Variants in AGAP1 observed in about 807,000 individuals in gnomAD.
The protein encoded by AGAP1 is arf-GAP with GTPase, ANK repeat and PH domain-containing protein 1.
In AGAP1, 29 loss-of-function variants were observed where a neutral mutation model predicts 105.3. The ratio of observed to expected loss-of-function variants is 0.28; its 90% CI spans 0.21 to 0.38. The LOEUF (loss-of-function observed/expected upper bound fraction) is 0.38, where lower values mean the gene tolerates loss of function less well. AGAP1 is among the 10% of genes least tolerant of loss of function. AGAP1 has a pLI of 1.00. For missense variants in AGAP1, 998 were observed against 1,165.1 expected, an observed-to-expected ratio of 0.86 and a Z score of 2.09; for synonymous variants, 509 against 485.9, an observed-to-expected ratio of 1.05 and a Z score of -0.63.
rs148507272 is a variant in AGAP1, at chr2:235,716,640, G to A, written c.223-917G>A. On this transcript the variant is annotated intron_variant, in intron 2 of 17. Transcript: ENST00000304032. The surrounding 1 kb of genome is among the most constrained non-coding windows in gnomAD (Gnocchi z 4.0). ...ATTTGATCACTAGCGATGTTCTAGTGGGGGAGGAAAAGGTTAAAATGCAGG... is the reference window on the plus strand; with the variant it reads ...ATTTGATCACTAGCGATGTTCTAGTAGGGGAGGAAAAGGTTAAAATGCAGG... Among the ~76,000 whole-genome samples, 1 of 152,098 alleles carries A rather than the reference G, an allele frequency of 6.6e-6. No homozygotes were observed. The highest frequency in any genetic ancestry group is 1.9e-4 in the East Asian group (1 of 5,166).
intron 9 of AGAP1, among the ~76,000 whole-genome samples, chr2:235,850,453 A>G (rs1331474720): frequency 1.3e-5 from 2 of 152,168 alleles, no homozygotes; most frequent in East Asian, 1.9e-4. Context: ...CCTCTGCATT[A>G]TGCACCCTGG....
intron 10 of AGAP1, among the ~76,000 whole-genome samples, chr2:235,884,511 C>T (rs1453748165): frequency 1.4e-5 from 2 of 139,770 alleles, no homozygotes; most frequent in East Asian, 2.2e-4. Context: ...AGTGCAGTGG[C>T]GCGATCCTGG....
chr2:236,060,518 A>T (rs994200454), intron 16 of AGAP1, among the ~76,000 whole-genome samples: 3 of 151,674 alleles, frequency 2.0e-5, no homozygotes, highest in African/African-American at 4.8e-5. Flanking sequence ...GGGATACCCC[A>T]TCTCTATAAA....
At chr2:235,637,827 G>A (rs773676905) in intron 1 of AGAP1, among the ~76,000 whole-genome samples, 1 of 152,198 alleles carries the variant, frequency 6.6e-6, no homozygotes, top group African/African-American at 2.4e-5. Flanking sequence ...TGGGAAGACT[G>A]GTGGCATCCT....
At position 235,887,539 on chromosome 2, in the gene AGAP1, T is replaced by C. The variant is rs1322408918; in HGVS notation, c.1155+4090T>C. ...AATGTTATCTGGTTTCTGAGAACACTATTCTCATCCACCTTTTCTCTCAAA... is the reference window on the plus strand; with the variant it reads ...AATGTTATCTGGTTTCTGAGAACACCATTCTCATCCACCTTTTCTCTCAAA... On this transcript the variant is annotated intron_variant, in intron 10 of 17. Coordinates refer to ENST00000304032, the MANE Select transcript of AGAP1 (RefSeq NM_001037131.3). The surrounding 1 kb of genome is among the most constrained non-coding windows in gnomAD (Gnocchi z 4.1). Among the ~76,000 whole-genome samples the C allele has an allele frequency of 6.6e-6, 1 of 152,192 alleles. No homozygotes were observed. The highest frequency in any genetic ancestry group is 2.4e-5 in the African/African-American group (1 of 41,448).
chr2:235,701,804 G>C lies in AGAP1; in HGVS notation c.164-7375G>C, dbSNP rs975004669. The stretch of plus-strand genomic sequence containing the variant: ...TATTTAAGACTCCACTTCCTTCCTC[G>C]GCACAGAACTGACAGGCTGTGGCAG... On this transcript the variant is annotated intron_variant, in intron 1 of 17. Transcript: ENST00000304032. The surrounding 1 kb of genome is among the most constrained non-coding windows in gnomAD (Gnocchi z 4.1). 1.3e-5 allele frequency among the ~76,000 whole-genome samples: 2 copies of C among 151,932 alleles called. No individual in the cohort carries two copies. Among genetic ancestry groups the C allele is most frequent in the African/African-American group, 4.8e-5 (2 of 41,340 alleles).
chr2:235,496,396 G>A (rs953853662), intron 1 of AGAP1, among the ~76,000 whole-genome samples: 3 of 152,104 alleles, frequency 2.0e-5, no homozygotes, highest in Admixed American at 6.5e-5. Context: ...GATGAGTGGC[G>A]GTGGGACCTG....
intron 6 of AGAP1, among the ~76,000 whole-genome samples, chr2:235,795,309 C>G (rs568108825): frequency 6.6e-6 from 1 of 152,326 alleles, no homozygotes; most frequent in East Asian, 1.9e-4. Flanking sequence ...GAGATTCCAC[C>G]CCGTCCCTGG....
At chr2:235,868,322 T>C (rs2049278860) in intron 9 of AGAP1, among the ~76,000 whole-genome samples, 1 of 152,186 alleles carries the variant, frequency 6.6e-6, no homozygotes, top group Admixed American at 6.5e-5. Context: ...GAGGATTCAT[T>C]TGATCTCATT....
intron 1 of AGAP1, among the ~76,000 whole-genome samples, chr2:235,605,411 G>T (rs1189224232): frequency 2.0e-5 from 3 of 152,226 alleles, no homozygotes; most frequent in Non-Finnish European, 4.4e-5. Context: ...TTCGCCACAT[G>T]CGAAGATTCT....
chr2:235,920,517 A>C (rs533438102), intron 11 of AGAP1, among the ~76,000 whole-genome samples: 2 of 152,198 alleles, frequency 1.3e-5, no homozygotes, highest in African/African-American at 4.8e-5. Flanking sequence ...CGCTCTGATC[A>C]TCAGACCTTT....
rs561699968 is a variant in AGAP1 at position 235,796,446 on chromosome 2, T to G, written c.674-1313T>G. The stretch of plus-strand genomic sequence containing the variant: ...ACATGATTAGCTGATGAAGGTTATG[T>G]GATATCAATACACTACCGGAAGATA... On this transcript the variant is annotated intron_variant, in intron 6 of 17. Coordinates refer to ENST00000304032, the MANE Select transcript of AGAP1 (RefSeq NM_001037131.3). Among the ~76,000 whole-genome samples, 8 of 152,340 alleles carry G rather than the reference T, an allele frequency of 5.3e-5. No individual in the cohort carries two copies. In the East Asian group the frequency reaches 1.2e-3, roughly 22 times the overall value.
intron 16 of AGAP1, among the ~76,000 whole-genome samples, chr2:236,084,884 A>G (rs1378937086): frequency 6.6e-6 from 1 of 151,386 alleles, no homozygotes; most frequent in Non-Finnish European, 1.5e-5. Context: ...AATCTGGGCA[A>G]AAGAGCGAGA....
intron 1 of AGAP1, among the ~76,000 whole-genome samples, chr2:235,513,290 G>A (rs1345848626): frequency 6.6e-6 from 1 of 152,040 alleles, no homozygotes; most frequent in Admixed American, 6.5e-5. Context: ...GGAGGCTGAG[G>A]CGGGCAGATT....
intron 12 of AGAP1, among the ~76,000 whole-genome samples, chr2:235,944,707 T>C (rs1199624581): frequency 6.6e-6 from 1 of 152,154 alleles, no homozygotes; most frequent in African/African-American, 2.4e-5. Context: ...GCCAGAGCCT[T>C]TATGGGGGTG....
At chr2:235,764,462 C>G (rs568588241) in intron 6 of AGAP1, among the ~76,000 whole-genome samples, 1 of 152,214 alleles carries the variant, frequency 6.6e-6, no homozygotes, top group Non-Finnish European at 1.5e-5. Context: ...GCACCTAAAG[C>G]ACATCCCCCC....
rs71423688 is a variant in AGAP1 at position 235,535,722 on chromosome 2, C to T, written c.163+40873C>T. On this transcript the variant is annotated intron_variant, in intron 1 of 17. Coordinates refer to ENST00000304032, the MANE Select transcript of AGAP1 (RefSeq NM_001037131.3). The surrounding 1 kb of genome is among the most constrained non-coding windows in gnomAD (Gnocchi z 5.1). ...ATTTTCTATAGAAAAGCCTTTCTGC[C>T]GCCTTTCACAAAACTTGTATTTTCA... 0.011 allele frequency among the ~76,000 whole-genome samples: 1,694 copies of T among 152,138 alleles called. 13 individuals carry two copies. The highest frequency in any genetic ancestry group is 0.044 in the Middle Eastern group (13 of 294).
chr2:235,516,373 G>T (rs1942387514), intron 1 of AGAP1, among the ~76,000 whole-genome samples: 1 of 152,014 alleles, frequency 6.6e-6, no homozygotes, highest in African/African-American at 2.4e-5. Flanking sequence ...ATCTCTTGTG[G>T]CACTTTTCTA....
Position 235,797,680 on chromosome 2 carries a change from A to G in AGAP1, c.674-79A>G, listed in dbSNP as rs867760581. On this transcript the variant is annotated intron_variant, in intron 6 of 17. Transcript: ENST00000304032. ...AAGAAGGAAATAACAGATTTCGACA[A>G]CAGACTGATGATCTCTGCTCTGTTC... 1.3e-5 allele frequency: 21 copies of G among 1,560,550 alleles called. No homozygotes were observed. The East Asian group carries it at 1.6e-4, about 12-fold the overall frequency.
Sources: allele counts gnomAD v4.1 joint callset (sites outside exome capture counted in the v4.1 genomes callset), GRCh38; gene constraint gnomAD v4.1.1; non-coding constraint Gnocchi (gnomAD v3.1); transcripts MANE v1.5; gene names NCBI Gene and HGNC (gene_info 2026-07-23, HGNC 2026-07-21).